BLTP2: variants seen among roughly 807,000 people sequenced by gnomAD.
BLTP2 encodes bridge-like lipid transfer protein family member 2.
the BLTP2 span, chr17:28,621,357 T>G: frequency 1.3e-6 from 2 of 1,540,244 alleles, no homozygotes; most frequent in Admixed American, 1.7e-5. Context: ...GGGATGCACA[T>G]CTGCTCCTAA....
the BLTP2 span, chr17:28,644,157 C>A: frequency 6.2e-7 from 1 of 1,614,062 alleles, no homozygotes; most frequent in Non-Finnish European, 8.5e-7. Flanking sequence ...TCCGCTGACA[C>A]CACTTGGTGG....
chr17:28,635,583 T>C, the BLTP2 span: 13 of 1,613,870 alleles, frequency 8.1e-6, no homozygotes, highest in South Asian at 1.4e-4. Context: ...GGCTCCAAAG[T>C]AAGGTCAGCC....
the BLTP2 span, chr17:28,614,843 T>C: frequency 2.1e-6 from 1 of 468,064 alleles, no homozygotes; most frequent in Non-Finnish European, 3.8e-6. Flanking sequence ...GGTCTTGCTC[T>C]CTTGTTGCCT....
chr17:28,638,351 G>A, the BLTP2 span: 1 of 1,614,152 alleles, frequency 6.2e-7, no homozygotes, highest in Non-Finnish European at 8.5e-7. Flanking sequence ...CCACACGCCA[G>A]CAGAGGTGGT....
At chr17:28,642,577 G>A in the BLTP2 span, 2 of 566,408 alleles carry the variant, frequency 3.5e-6, no homozygotes, top group Non-Finnish European at 6.3e-6. Flanking sequence ...TCTGAACCCA[G>A]GAGGCGGAGC....
At chr17:28,615,449 C>T in the BLTP2 span, among the ~76,000 whole-genome samples, 1 of 152,148 alleles carries the variant, frequency 6.6e-6, no homozygotes, top group Non-Finnish European at 1.5e-5. Context: ...CTCTCAGTTC[C>T]CTAAAATCAA....
chr17:28,623,068 T>C, the BLTP2 span, among the ~76,000 whole-genome samples: 1 of 152,054 alleles, frequency 6.6e-6, no homozygotes, highest in Non-Finnish European at 1.5e-5. Flanking sequence ...GAGCAAACTC[T>C]GTCTCAAAAA....
the BLTP2 span, chr17:28,640,442 C>T: frequency 9.5e-7 from 1 of 1,053,992 alleles, no homozygotes; most frequent in East Asian, 2.4e-5. Context: ...TGGATGTAAC[C>T]ATTTCTACTT....
the BLTP2 span, chr17:28,639,777 T>C: frequency 4.9e-6 from 7 of 1,431,680 alleles, no homozygotes; most frequent in African/African-American, 2.8e-5. Context: ...TTTCTCTCAG[T>C]ATGTTCCCTC....
the BLTP2 span, chr17:28,642,362 C>T: frequency 6.2e-7 from 1 of 1,612,322 alleles, no homozygotes; most frequent in Non-Finnish European, 8.5e-7. Flanking sequence ...ATTAAGAGCA[C>T]TTGGCCTTGC....
the BLTP2 span, among the ~76,000 whole-genome samples, chr17:28,641,657 G>GT: frequency 6.7e-6 from 1 of 148,644 alleles, no homozygotes; most frequent in East Asian, 1.9e-4. Flanking sequence ...TAAAAAAAAA[G>GT]GAAAAAAAAA....
chr17:28,617,383 G>T, the BLTP2 span: 5 of 1,228,028 alleles, frequency 4.1e-6, no homozygotes, highest in Non-Finnish European at 6.0e-6. Flanking sequence ...CTAGACAATT[G>T]TTATGTATCC....
chr17:28,621,553 G>A, the BLTP2 span: 5 of 1,270,674 alleles, frequency 3.9e-6, no homozygotes, highest in Non-Finnish European at 5.8e-6. Flanking sequence ...GGCTTGTCCT[G>A]GACAATTGGG....
chr17:28,615,314 A>C, the BLTP2 span: 1 of 1,350,982 alleles, frequency 7.4e-7, no homozygotes, highest in East Asian at 2.3e-5. Flanking sequence ...ATCAAAATGA[A>C]CCAAGACAAT....
the BLTP2 span, among the ~76,000 whole-genome samples, chr17:28,626,458 G>A: frequency 2.0e-5 from 3 of 152,140 alleles, no homozygotes; most frequent in Admixed American, 1.3e-4. Context: ...ATGTCTTTTT[G>A]TGTGCTGAGT....
chr17:28,621,516 G>C, the BLTP2 span: 2 of 1,589,060 alleles, frequency 1.3e-6, no homozygotes, highest in East Asian at 4.5e-5. Flanking sequence ...AAGAGATGCA[G>C]GCAACTTTAG....
At chr17:28,644,514 G>A in the BLTP2 span, among the ~76,000 whole-genome samples, 373 of 152,306 alleles carry the variant, frequency 2.4e-3, 9 homozygotes, top group South Asian at 0.022. Flanking sequence ...TCTGTCACAT[G>A]TGCCATCACA....
chr17:28,638,691 T>C, the BLTP2 span: 30 of 1,072,030 alleles, frequency 2.8e-5, no homozygotes, highest in East Asian at 6.2e-4. Flanking sequence ...AACTGCAGCT[T>C]CCTATCATGG....
At chr17:28,644,320 GCACCA>G in the BLTP2 span, 1 of 948,050 alleles carries the variant, frequency 1.1e-6, no homozygotes, top group Non-Finnish European at 1.6e-6. Context: ...TTCTTCCAAA[GCACCA>G]CTCTGTCATA....
Sources: gnomAD v4.1 joint callset for allele counts (sites outside exome capture counted in the v4.1 genomes callset) on GRCh38, gnomAD v4.1.1 for gene constraint, MANE v1.5 for transcripts, NCBI Gene and HGNC (gene_info 2026-07-23, HGNC 2026-07-21) for gene names.